ZNF254: variants seen among roughly 807,000 people sequenced by gnomAD.
ZNF254 encodes the protein CTD-2017D11.1.
In ZNF254, 10 loss-of-function variants were observed where a neutral mutation model predicts 12.4. That is an observed-to-expected ratio of 0.80 (90% CI 0.50 to 1.36). ZNF254 has a LOEUF of 1.36. Among genes scored for constraint, ZNF254 ranks in the 40% most tolerant of loss-of-function variants. The pLI is 0.00. For missense variants in ZNF254, 996 were observed against 763.9 expected (o/e 1.30, Z -3.58); for synonymous variants, 305 against 253.4 (o/e 1.20, Z -1.93).
chr19:24,081,813 G>T (rs1971854375), intron 2 of ZNF254, among the ~76,000 whole-genome samples: 1 of 152,184 alleles, frequency 6.6e-6, no homozygotes, highest in African/African-American at 2.4e-5. Flanking sequence ...GGCAATCAAG[G>T]TTTCTAAACT....
Position 24,128,346 on chromosome 19 carries a change from T to TA in ZNF254, c.*366_*367insA, listed in dbSNP as rs1197289903. 1 of 184,450 alleles carries TA rather than the reference T, an allele frequency of 5.4e-6. No homozygotes were observed. The highest frequency in any genetic ancestry group is 1.1e-5 in the Non-Finnish European group (1 of 90,418). The allele number at this position is 184,450 out of a possible 1,614,324, so 11.4% of individuals were successfully genotyped here. ...CACCTGCTCACATCTTACTCAAAAT[T>TA]GTAGAGTTCATAGTAAATAAAAGCA... On this transcript the variant is annotated 3_prime_UTR_variant, in exon 4 of 4. Transcript: ENST00000357002.
At chr19:24,086,234 A>G (rs1972034638), upstream of ZNF254, among the ~76,000 whole-genome samples, 1 of 152,190 alleles carries the variant, frequency 6.6e-6, no homozygotes, top group Non-Finnish European at 1.5e-5. Context: ...AAAAAAAAGT[A>G]TAAGAGATCA....
chr19:24,071,723 C>T (rs1354184426), intron 2 of ZNF254, among the ~76,000 whole-genome samples: 2 of 152,098 alleles, frequency 1.3e-5, no homozygotes, highest in African/African-American at 4.8e-5. Context: ...AATGCTTGGG[C>T]TCTGCCCAAG....
intron 1 of ZNF254, among the ~76,000 whole-genome samples, chr19:24,088,436 G>A (rs1273073805): frequency 6.6e-6 from 1 of 151,840 alleles, no homozygotes; most frequent in Non-Finnish European, 1.5e-5. Context: ...ACAGGGGACT[G>A]CTTTTTTCCT....
Position 24,127,536 on chromosome 19 carries a change from T to C in ZNF254, c.1536T>C (p.His512=). The C allele has an allele frequency of 6.2e-7, 1 of 1,613,314 alleles. No individual in the cohort carries two copies. Among genetic ancestry groups the C allele is most frequent in the Non-Finnish European group, 8.5e-7 (1 of 1,179,756 alleles). The change falls in exon 4 of 4, where the codon CAT becomes CAC. Residue 512 remains histidine (H), a synonymous_variant. Coordinates refer to ENST00000357002, the MANE Select transcript of ZNF254 (RefSeq NM_203282.4). ...SSTLTTHKII[H]TGEKPYKCEE... Reference sequence around the variant, plus strand: ...CCCTTACTACACATAAGATAATTCATACTGGAGAGAAACCCTACAAATGTG... The same window carrying C: ...CCCTTACTACACATAAGATAATTCACACTGGAGAGAAACCCTACAAATGTG...
In ZNF254 at chr19:24,039,330, G is replaced by A. The variant is rs551782045; in HGVS notation, c.-190+5709G>A. On this transcript the variant is annotated intron_variant, in intron 1 of 4. Transcript: ENST00000613065. Reference sequence around the variant, plus strand: ...AAGCATGTTAGCCAAGGGAAGTTAGGGCCACAACTGTCCAGAGCCATGAAT... The same window carrying A: ...AAGCATGTTAGCCAAGGGAAGTTAGAGCCACAACTGTCCAGAGCCATGAAT... Among the ~76,000 whole-genome samples the A allele has an allele frequency of 2.0e-3, 307 of 152,308 alleles. 2 individuals are homozygous for A. Among genetic ancestry groups the A allele is most frequent in the African/African-American group, 7.1e-3 (297 of 41,570 alleles).
intron 3 of ZNF254, among the ~76,000 whole-genome samples, chr19:24,116,177 G>T (rs1974059327): frequency 6.6e-6 from 1 of 151,122 alleles, no homozygotes; most frequent in South Asian, 2.1e-4. Flanking sequence ...ATGTGTCTTG[G>T]AGTTGCTCTT....
Position 24,128,076 on chromosome 19 carries a change from C to A in ZNF254, c.*96C>A. 1 of 1,248,522 alleles carries A rather than the reference C, an allele frequency of 8.0e-7. No individual in the cohort carries two copies. Among genetic ancestry groups the A allele is most frequent in the Non-Finnish European group, 1.1e-6 (1 of 941,610 alleles). 77.3% of individuals were successfully genotyped at this position (1,248,522 alleles called of 1,614,324 possible). On this transcript the variant is annotated 3_prime_UTR_variant, in exon 4 of 4. Coordinates refer to ENST00000357002, the MANE Select transcript of ZNF254 (RefSeq NM_203282.4). The stretch of plus-strand genomic sequence containing the variant: ...TACAAACCTGAGAGAGGCGCTAATG[C>A]TTTTGACAGTACCTAAAACTTTAAA...
At chr19:24,047,624 T>TCTTG (rs144220899) in intron 2 of ZNF254, among the ~76,000 whole-genome samples, 1 of 145,196 alleles carries the variant, frequency 6.9e-6, no homozygotes, top group Non-Finnish European at 1.5e-5. Flanking sequence ...TTGCTCTCTC[T>TCTTG]CTTGCTTGCT....
Position 24,034,008 on chromosome 19 carries a change from A to G in ZNF254, c.-190+387A>G, listed in dbSNP as rs920784963. Among the ~76,000 whole-genome samples the G allele has an allele frequency of 6.6e-5, 10 of 152,234 alleles. 1 individual carries two copies. The highest frequency in any genetic ancestry group is 4.6e-4 in the Admixed American group (7 of 15,282). On this transcript the variant is annotated intron_variant, in intron 1 of 4. Transcript: ENST00000613065. ...GAGACGGAGTCTTGCCCTGTCGCCCAGGCTGGAGTGCAGTGGCACGATCAC... is the reference window on the plus strand; with the variant it reads ...GAGACGGAGTCTTGCCCTGTCGCCCGGGCTGGAGTGCAGTGGCACGATCAC...
chr19:24,118,042 TC>T (rs1376537464), intron 3 of ZNF254, among the ~76,000 whole-genome samples: 1 of 151,640 alleles, frequency 6.6e-6, no homozygotes, highest in Non-Finnish European at 1.5e-5. Flanking sequence ...CACATGGGTT[TC>T]TTTTTTTTCT....
chr19:24,112,116 TG>T (rs1192395305), intron 3 of ZNF254, among the ~76,000 whole-genome samples: 2 of 142,972 alleles, frequency 1.4e-5, no homozygotes, highest in Non-Finnish European at 3.1e-5. Flanking sequence ...CATCTTGAAT[TG>T]ATTTTTGTAC....
At chr19:24,116,287 G>A (rs1352597321) in intron 3 of ZNF254, among the ~76,000 whole-genome samples, 1 of 152,176 alleles carries the variant, frequency 6.6e-6, no homozygotes, top group Admixed American at 6.5e-5. Context: ...ATCCTGCAGA[G>A]TGTTTTCCAA....
intron 2 of ZNF254, among the ~76,000 whole-genome samples, chr19:24,072,353 G>A (rs934113298): frequency 2.0e-5 from 3 of 151,814 alleles, no homozygotes; most frequent in South Asian, 2.1e-4. Flanking sequence ...TGTATTTTTC[G>A]TAGAGATGGG....
chr19:24,050,987 C>T (rs1306383537), intron 2 of ZNF254, among the ~76,000 whole-genome samples: 1 of 151,918 alleles, frequency 6.6e-6, no homozygotes, highest in African/African-American at 2.4e-5. Flanking sequence ...CAGGCATGAG[C>T]CACTGCACCT....
At chr19:24,047,938 T>G (rs930774539) in intron 2 of ZNF254, among the ~76,000 whole-genome samples, 2 of 150,862 alleles carry the variant, frequency 1.3e-5, no homozygotes, top group Non-Finnish European at 3.0e-5. Flanking sequence ...CTGCCCACCT[T>G]AGCCTCCCAA....
At chr19:24,082,885 C>T (rs190292785), upstream of ZNF254, among the ~76,000 whole-genome samples, 307 of 151,936 alleles carry the variant, frequency 2.0e-3, 1 homozygote, top group African/African-American at 7.2e-3. Context: ...AAGTTGGAAA[C>T]ATTTTCTCTG....
chr19:24,099,923 C>T (rs1442601356), intron 1 of ZNF254, among the ~76,000 whole-genome samples: 1 of 152,066 alleles, frequency 6.6e-6, no homozygotes, highest in Non-Finnish European at 1.5e-5. Context: ...TCTAGAATTA[C>T]CAGACATAAT....
At chr19:24,064,860 A>G (rs1016202902) in intron 2 of ZNF254, among the ~76,000 whole-genome samples, 9 of 152,304 alleles carry the variant, frequency 5.9e-5, no homozygotes, top group East Asian at 1.9e-4. Context: ...TCTGGGTCCA[A>G]CAACATTATG....
Sources: allele counts gnomAD v4.1 joint callset (sites outside exome capture counted in the v4.1 genomes callset), GRCh38; gene constraint gnomAD v4.1.1; transcripts MANE v1.5; gene names NCBI Gene and HGNC (gene_info 2026-07-23, HGNC 2026-07-21).